The following LRRC7 variants were observed in gnomAD, a reference collection of about 807,000 sequenced individuals.
LRRC7 encodes leucine rich repeat containing 7, also known as leucine-rich repeat-containing protein 7.
Under a neutral mutation model 175.7 loss-of-function variants are expected in LRRC7, and 23 were observed. That is an observed-to-expected ratio of 0.13 (90% CI 0.09 to 0.19). LRRC7 has a LOEUF of 0.19. Among genes scored for constraint, LRRC7 ranks in the 10% least tolerant of loss-of-function variants. The pLI is 1.00. For missense variants in LRRC7, 1,354 were observed against 1,904.7 expected, an observed-to-expected ratio of 0.71 and a Z score of 5.38; for synonymous variants, 685 against 680.9, an observed-to-expected ratio of 1.01 and a Z score of -0.09.
chr1:69,946,916 A>G (rs1649380633), intron 8 of LRRC7, among the ~76,000 whole-genome samples: 1 of 151,926 alleles, frequency 6.6e-6, no homozygotes, highest in Admixed American at 6.6e-5. Flanking sequence ...CATTTCTACT[A>G]AAACTACAAA....
At chr1:69,791,555 G>A (rs929186094) in intron 3 of LRRC7, among the ~76,000 whole-genome samples, 2 of 151,980 alleles carry the variant, frequency 1.3e-5, no homozygotes, top group Admixed American at 6.6e-5. Flanking sequence ...GGGGGAGGGA[G>A]CACAAAAGAA....
chr1:69,617,432 A>G (rs1649808277), intron 1 of LRRC7, among the ~76,000 whole-genome samples: 1 of 151,050 alleles, frequency 6.6e-6, no homozygotes. Context: ...TGAGTCTCCA[A>G]TTTTAAAAAG....
chr1:69,870,307 A>G (rs900034533), intron 7 of LRRC7, among the ~76,000 whole-genome samples: 1 of 152,142 alleles, frequency 6.6e-6, no homozygotes, highest in African/African-American at 2.4e-5. Flanking sequence ...GGTGTCGAGT[A>G]CACACAGCCC....
intron 1 of LRRC7, among the ~76,000 whole-genome samples, chr1:69,621,243 T>A (rs894403922): frequency 2.0e-5 from 3 of 151,920 alleles, no homozygotes; most frequent in Non-Finnish European, 4.4e-5. Flanking sequence ...ACAGGGTTTC[T>A]TCATGTTGGT....
At chr1:69,660,392 A>G (rs1180395732) in intron 1 of LRRC7, among the ~76,000 whole-genome samples, 1 of 152,146 alleles carries the variant, frequency 6.6e-6, no homozygotes, top group East Asian at 1.9e-4. Flanking sequence ...ACAAACAGAA[A>G]CAAAATCAGC....
intron 8 of LRRC7, among the ~76,000 whole-genome samples, chr1:69,957,577 T>C (rs1650628641): frequency 1.3e-5 from 2 of 151,888 alleles, no homozygotes; most frequent in African/African-American, 4.8e-5. Context: ...ATACTAGATA[T>C]TGATTACCAA....
chr1:69,714,878 T>G (rs1665170609), intron 2 of LRRC7, among the ~76,000 whole-genome samples: 1 of 152,214 alleles, frequency 6.6e-6, no homozygotes, highest in Non-Finnish European at 1.5e-5. Context: ...GCATTTATTA[T>G]CAGGAAATTA....
Position 69,879,017 on chromosome 1 carries a change from A to G in LRRC7, c.647+40734A>G, listed in dbSNP as rs116037231. Among the ~76,000 whole-genome samples the G allele has an allele frequency of 8.4e-3, 1,268 of 150,636 alleles. 24 individuals are homozygous for G. Among genetic ancestry groups the G allele is most frequent in the African/African-American group, 0.029 (1,200 of 41,156 alleles). ...ATTTGTCCAAACCCATCAAATGTAC[A>G]CTGAGAGTGAACCCTAATGTAAACT... On this transcript the variant is annotated intron_variant, in intron 7 of 26. Coordinates refer to ENST00000651989, the MANE Select transcript of LRRC7 (RefSeq NM_001370785.2).
rs1447450508 is a variant in LRRC7, at chr1:70,089,828, T to G, written c.4545+9T>G. Reference sequence around the variant, plus strand: ...TCAAACCTTCTGACAAGGTAAGAAATGAATATCTTGTTGACAATATTAATT... The same window carrying G: ...TCAAACCTTCTGACAAGGTAAGAAAGGAATATCTTGTTGACAATATTAATT... On this transcript the variant is annotated intron_variant, in intron 25 of 26. Transcript: ENST00000651989. The G allele has an allele frequency of 6.5e-7, 1 of 1,545,022 alleles. No individual in the cohort carries two copies. The highest frequency in any genetic ancestry group is 1.4e-5 in the African/African-American group (1 of 73,248).
At chr1:69,884,841 G>T (rs1437115563) in intron 7 of LRRC7, among the ~76,000 whole-genome samples, 1 of 142,048 alleles carries the variant, frequency 7.0e-6, no homozygotes, top group Non-Finnish European at 1.5e-5. Context: ...TTTGAATTTT[G>T]TCAAAGGCTT....
At position 69,844,331 on chromosome 1, in the gene LRRC7, T is replaced by C. The variant is rs759276745; in HGVS notation, c.647+6048T>C. Among the ~76,000 whole-genome samples, 3 of 152,118 alleles carry C rather than the reference T, an allele frequency of 2.0e-5. No homozygotes were observed. The South Asian group carries it at 6.2e-4, about 32-fold the overall frequency. ...TTCATCTTGTATAACTGAAACTTTA[T>C]ACCAATTGAACAACTCCCCATTCCC... On this transcript the variant is annotated intron_variant, in intron 7 of 26. Transcript: ENST00000651989.
At chr1:70,010,392 C>T (rs1656392872) in intron 11 of LRRC7, among the ~76,000 whole-genome samples, 1 of 152,064 alleles carries the variant, frequency 6.6e-6, no homozygotes, top group South Asian at 2.1e-4. Context: ...ATGGCAAAAC[C>T]CCATCTCTAC....
intron 4 of LRRC7, among the ~76,000 whole-genome samples, chr1:69,824,579 C>G (rs965055133): frequency 1.3e-5 from 2 of 151,890 alleles, no homozygotes; most frequent in Admixed American, 1.3e-4. Flanking sequence ...CACTTTGTAC[C>G]CCTTTGTACC....
chr1:69,861,361 T>C (rs1684338398), intron 7 of LRRC7, among the ~76,000 whole-genome samples: 1 of 152,188 alleles, frequency 6.6e-6, no homozygotes, highest in African/African-American at 2.4e-5. Context: ...CAGACACAAC[T>C]TAATATGACC....
chr1:69,983,956 C>T lies in LRRC7; in HGVS notation c.787-2286C>T, dbSNP rs1483560831. Among the ~76,000 whole-genome samples, 6 of 151,870 alleles carry T rather than the reference C, an allele frequency of 4.0e-5. No individual in the cohort carries two copies. In the East Asian group the frequency reaches 1.2e-3, roughly 29 times the overall value. The stretch of plus-strand genomic sequence containing the variant: ...TACTTTTTTTTTTTGGATGGAGTCT[C>T]GCTCTGTTGCCCAGGCTGGAGTTCA... On this transcript the variant is annotated intron_variant, in intron 9 of 26. Transcript: ENST00000651989.
chr1:69,942,495 G>A (rs1570746985), intron 8 of LRRC7, among the ~76,000 whole-genome samples: 1 of 152,090 alleles, frequency 6.6e-6, no homozygotes, highest in African/African-American at 2.4e-5. Flanking sequence ...TACAGTTCTG[G>A]GAGGTCAGAA....
At position 69,841,128 on chromosome 1, in the gene LRRC7, C is replaced by T. The variant is rs529400320; in HGVS notation, c.647+2845C>T. ...GAGGCTTGAATGGGCTAGGGTTTGC[C>T]TCAAATCTCACTCAAATGGTGGTTG... On this transcript the variant is annotated intron_variant, in intron 7 of 26. Coordinates refer to ENST00000651989, the MANE Select transcript of LRRC7 (RefSeq NM_001370785.2). 1.8e-4 allele frequency among the ~76,000 whole-genome samples: 27 copies of T among 151,992 alleles called. No homozygotes were observed. The South Asian group carries it at 3.1e-3, about 18-fold the overall frequency.
chr1:69,783,015 A>G (rs1265509531), intron 3 of LRRC7, among the ~76,000 whole-genome samples: 3 of 152,242 alleles, frequency 2.0e-5, no homozygotes, highest in Non-Finnish European at 4.4e-5. Context: ...AGACCCTTAC[A>G]GCCTTTTACA....
chr1:70,089,285 C>A (rs1284234058), intron 24 of LRRC7, among the ~76,000 whole-genome samples: 1 of 152,130 alleles, frequency 6.6e-6, no homozygotes, highest in East Asian at 1.9e-4. Context: ...AAAGCAGGCA[C>A]AATTTATTTA....
Sources: allele counts gnomAD v4.1 joint callset (sites outside exome capture counted in the v4.1 genomes callset), GRCh38; gene constraint gnomAD v4.1.1; transcripts MANE v1.5; gene names NCBI Gene and HGNC (gene_info 2026-07-23, HGNC 2026-07-21).